The following SMTN variants were observed in gnomAD, a reference collection of about 807,000 sequenced individuals.
SMTN encodes smoothelin.
A neutral mutation model predicts 102.0 loss-of-function variants in SMTN; 58 were observed. That is an observed-to-expected ratio of 0.57 (90% CI 0.46 to 0.71). SMTN has a LOEUF of 0.71. Ranked by LOEUF, SMTN falls within the 30% of genes least tolerant of loss-of-function variation. The pLI, the probability that SMTN is intolerant of heterozygous loss-of-function variation, is 0.00. For missense variants in SMTN, 1,185 were observed against 1,241.7 expected (o/e 0.95, Z 0.69); for synonymous variants, 478 against 497.9 (o/e 0.96, Z 0.53).
intron 2 of SMTN, among the ~76,000 whole-genome samples, chr22:31,085,470 A>G (rs1407568799): frequency 1.3e-5 from 2 of 152,206 alleles, no homozygotes; most frequent in Non-Finnish European, 2.9e-5. Flanking sequence ...ACTGAGGCCC[A>G]GTGAGACCTC....
Position 31,091,483 on chromosome 22 carries a change from G to GT in SMTN, c.1459+2dup. On this transcript the variant is annotated splice_donor_variant, in intron 10 of 20. Coordinates refer to ENST00000333137, the MANE Select transcript of SMTN (RefSeq NM_134269.3). LOFTEE classifies it high-confidence loss of function. Reference sequence around the variant, plus strand: ...CTGCCCACAGGCAACCAGAGGGCAGGTAGGCGCCCCCCACTGCCTCCCCAA... The same window carrying GT: ...CTGCCCACAGGCAACCAGAGGGCAGGTTAGGCGCCCCCCACTGCCTCCCCAA... 4.0e-6 allele frequency: 6 copies of GT among 1,518,266 alleles called. No individual in the cohort carries two copies. The highest frequency in any genetic ancestry group is 5.3e-6 in the Non-Finnish European group (6 of 1,136,588). The allele number at this position is 1,518,266 out of a possible 1,614,324, so 94.0% of individuals were successfully genotyped here. A position where few individuals can be genotyped will look rare whatever the true frequency, so the allele number is the denominator to read the frequency against.
In SMTN at chr22:31,087,973, C is replaced by A; in HGVS notation, c.60C>A (p.Val20=). Residue 20 remains valine, a synonymous_variant, in exon 3 of 21, where the codon GTC becomes GTA. Coordinates refer to ENST00000333137, the MANE Select transcript of SMTN (RefSeq NM_134269.3). Reference sequence around the variant, plus strand: ...TCTCGCACCCACTGCAGCTGGAGGTCACAGCAGATCTGGCAGAGCGGCGGC... The same window carrying A: ...TCTCGCACCCACTGCAGCTGGAGGTAACAGCAGATCTGGCAGAGCGGCGGC... ...DEGALRKLLE[V]TADLAERRRI... 6.3e-7 allele frequency: 1 copy of A among 1,596,916 alleles called. No individual in the cohort carries two copies. The highest frequency in any genetic ancestry group is 1.1e-5 in the South Asian group (1 of 90,044).
intron 1 of SMTN, among the ~76,000 whole-genome samples, chr22:31,071,543 G>A (rs559018503): frequency 1.1e-4 from 17 of 151,992 alleles, no homozygotes; most frequent in South Asian, 8.3e-4. Context: ...CTTGAGCCCA[G>A]GAGGTCGAGG....
chr22:31,100,302 G>A (rs955949417), intron 19 of SMTN, among the ~76,000 whole-genome samples: 12 of 151,998 alleles, frequency 7.9e-5, no homozygotes, highest in Non-Finnish European at 1.5e-4. Flanking sequence ...CACCGTGCCC[G>A]CCCAGCCTAT....
At position 31,091,330 on chromosome 22, in the gene SMTN, G is replaced by C. The variant is rs373962409; in HGVS notation, c.1307G>C (p.Arg436Pro). Reference protein sequence around the residue: ...LENRAGGPVARSEEPGAPLPV... With the variant: ...LENRAGGPVAPSEEPGAPLPV... Reference sequence around the variant, plus strand: ...AACAGAGCAGGGGGGCCTGTGGCACGTTCAGAGGAGCCTGGTGCCCCGCTG... The same window carrying C: ...AACAGAGCAGGGGGGCCTGTGGCACCTTCAGAGGAGCCTGGTGCCCCGCTG... Residue 436 changes from arginine (R) to proline (P), a missense_variant, in exon 10 of 21, where the codon CGT (arginine) becomes CCT (proline). By Grantham distance (103) the Arg-to-Pro change is moderately radical. Coordinates refer to ENST00000333137, the MANE Select transcript of SMTN (RefSeq NM_134269.3). 7.5e-6 allele frequency: 12 copies of C among 1,606,354 alleles called. No homozygotes were observed. Among genetic ancestry groups the C allele is most frequent in the Non-Finnish European group, 1.0e-5 (12 of 1,178,172 alleles).
At chr22:31,084,765 G>A (rs1172850042) in intron 2 of SMTN, among the ~76,000 whole-genome samples, 1 of 152,244 alleles carries the variant, frequency 6.6e-6, no homozygotes, top group African/African-American at 2.4e-5. Flanking sequence ...GAATCTCTGG[G>A]AAAGGACAGA....
At chr22:31,086,709 C>T (rs1456167375) in intron 2 of SMTN, among the ~76,000 whole-genome samples, 1 of 152,200 alleles carries the variant, frequency 6.6e-6, no homozygotes, top group Non-Finnish European at 1.5e-5. Context: ...GGGCTGGAAC[C>T]AACTAAGGGC....
intron 16 of SMTN, among the ~76,000 whole-genome samples, chr22:31,097,843 C>T (rs1420457758): frequency 1.3e-5 from 2 of 152,126 alleles, no homozygotes; most frequent in Non-Finnish European, 2.9e-5. Context: ...TCCTTGGGAT[C>T]TCATTTTATT....
chr22:31,100,912 G>T lies in SMTN; in HGVS notation c.2631G>T (p.Leu877=), dbSNP rs760762670. 7 of 1,606,830 alleles carry T rather than the reference G, an allele frequency of 4.4e-6. No individual in the cohort carries two copies. The highest frequency in any genetic ancestry group is 5.9e-6 in the Non-Finnish European group (7 of 1,177,624). The change falls in exon 20 of 21, where the codon CTG becomes CTT. Residue 877 remains leucine (L), a synonymous_variant. Transcript: ENST00000333137. ...CCCATGCGGACTGCCCGCAGCTCCTGGATACAGAGGACATGGTGCGGCTTC... is the reference window on the plus strand; with the variant it reads ...CCCATGCGGACTGCCCGCAGCTCCTTGATACAGAGGACATGGTGCGGCTTC... ...AETHADCPQL[L]DTEDMVRLRE...
intron 16 of SMTN, 63 bp downstream of exon 16, chr22:31,097,401 A>G: frequency 1.4e-6 from 2 of 1,462,002 alleles, no homozygotes; most frequent in Non-Finnish European, 1.9e-6. Context: ...CCTAACTGCA[A>G]ACCCGTTTTA....
chr22:31,078,101 G>A (rs988547977), upstream of SMTN, among the ~76,000 whole-genome samples: 2 of 152,206 alleles, frequency 1.3e-5, no homozygotes, highest in African/African-American at 4.8e-5. Context: ...CTGTCCTGGG[G>A]AGAGAGGCTT....
At chr22:31,100,748 C>CTG (rs1485043018) in intron 19 of SMTN, 137 bp from the exon 20 acceptor site, 107 of 583,464 alleles carry the variant, frequency 1.8e-4, no homozygotes, top group Non-Finnish European at 1.9e-4. Context: ...ACTCATGTCT[C>CTG]TGTGTGTGTG....
In SMTN at chr22:31,104,501, G is replaced by A. The variant is rs936350419; in HGVS notation, c.*206G>A. 1 of 1,603,950 alleles carries A rather than the reference G, an allele frequency of 6.2e-7. No homozygotes were observed. Among genetic ancestry groups the A allele is most frequent in the South Asian group, 1.1e-5 (1 of 90,940 alleles). On this transcript the variant is annotated 3_prime_UTR_variant, in exon 21 of 21. Transcript: ENST00000333137. ...CCGCATGGCCAGCCAGTGGCAAGCT[G>A]CCGCCCCCACTCTCCGGGCACCGTC...
At chr22:31,097,720 A>G (rs2043713995) in intron 16 of SMTN, among the ~76,000 whole-genome samples, 1 of 146,232 alleles carries the variant, frequency 6.8e-6, no homozygotes, top group Non-Finnish European at 1.5e-5. Context: ...AAATAGATAA[A>G]TAAATAAATA....
chr22:31,089,626 GCCTGGC>G, intron 6 of SMTN, 67 bp from the exon 7 acceptor site: 3 of 1,437,846 alleles, frequency 2.1e-6, no homozygotes, highest in Non-Finnish European at 2.9e-6. Context: ...GCACTTGCCA[GCCTGGC>G]CCTCAGTGGT....
chr22:31,073,034 A>ATTTTTT (rs2042043804), intron 1 of SMTN, among the ~76,000 whole-genome samples: 1 of 45,998 alleles, frequency 2.2e-5, no homozygotes, highest in Non-Finnish European at 3.8e-5. Context: ...TTTTTTTTTG[A>ATTTTTT]GACAGGGTCT....
chr22:31,098,916 C>G, intron 17 of SMTN, 76 bp downstream of exon 17: 1 of 1,553,370 alleles, frequency 6.4e-7, no homozygotes, highest in Non-Finnish European at 8.7e-7. Context: ...GATAGTTGGC[C>G]CGGCAGAGGC....
Position 31,083,286 on chromosome 22 carries a change from G to A in SMTN, c.28G>A (p.Asp10Asn). The A allele has an allele frequency of 6.3e-7, 1 of 1,587,242 alleles. No individual in the cohort carries two copies. The highest frequency in any genetic ancestry group is 8.6e-7 in the Non-Finnish European group (1 of 1,169,212). The change falls in exon 2 of 21, where the codon GAT becomes AAT. Residue 10 changes from aspartate to asparagine, a missense_variant. Coordinates refer to ENST00000333137, the MANE Select transcript of SMTN (RefSeq NM_134269.3). ...GGCGGACGAGGCCTTAGCTGGGCTG[G>A]ATGAGGGAGCCCTTCGGAAGCTGGT... MADEALAGLDEGALRKLLEV... is the reference protein window; with the variant it reads MADEALAGLNEGALRKLLEV...
In SMTN at chr22:31,096,916, C is replaced by A; in HGVS notation, c.2026+19C>A. The A allele has an allele frequency of 6.2e-7, 1 of 1,606,208 alleles. No individual in the cohort carries two copies. Among genetic ancestry groups the A allele is most frequent in the South Asian group, 1.1e-5 (1 of 90,250 alleles). On this transcript the variant is annotated intron_variant, in intron 14 of 20. Coordinates refer to ENST00000333137, the MANE Select transcript of SMTN (RefSeq NM_134269.3). ...CACTCCAGTAAGGGGCCAAATGGGG[C>A]CGGCCCAGGGCTCAGGGTGGGAACA...
Sources: allele counts gnomAD v4.1 joint callset (sites outside exome capture counted in the v4.1 genomes callset), GRCh38; gene constraint gnomAD v4.1.1; transcripts MANE v1.5; gene names NCBI Gene and HGNC (gene_info 2026-07-23, HGNC 2026-07-21).